ZNF385B: variants seen among roughly 807,000 people sequenced by gnomAD.
ZNF385B encodes the protein zinc finger protein 385B, also known as zinc finger protein 533.
A neutral mutation model predicts 39.2 loss-of-function variants in ZNF385B; 23 were observed. The ratio of observed to expected loss-of-function variants is 0.59; its 90% CI spans 0.42 to 0.83. The LOEUF (loss-of-function observed/expected upper bound fraction) is 0.83. Ranked by LOEUF, ZNF385B falls within the 40% of genes least tolerant of loss-of-function variation. The pLI is 0.00. For missense variants in ZNF385B, 552 were observed against 598.9 expected, an observed-to-expected ratio of 0.92 and a Z score of 0.82; for synonymous variants, 205 against 222.6, an observed-to-expected ratio of 0.92 and a Z score of 0.70.
chr2:179,826,158 G>A (rs938990760), intron 1 of ZNF385B, among the ~76,000 whole-genome samples: 1 of 152,114 alleles, frequency 6.6e-6, no homozygotes, highest in East Asian at 1.9e-4. Context: ...CCACCCTCAC[G>A]TACAACAGAG....
In ZNF385B at chr2:179,453,402, C is replaced by G. The variant is rs144581898; in HGVS notation, c.716-6632G>C. ...TAGAACTGGTCCAGCTGCCAGCACC[C>G]TATCACCCACCTGTCCAGGCCTTAT... On this transcript the variant is annotated intron_variant, in intron 6 of 9. Coordinates refer to ENST00000410066, the MANE Select transcript of ZNF385B (RefSeq NM_152520.6). 1.4e-3 allele frequency among the ~76,000 whole-genome samples: 208 copies of G among 152,242 alleles called. 1 individual carries two copies. Among genetic ancestry groups the G allele is most frequent in the African/African-American group, 4.7e-3 (196 of 41,560 alleles).
chr2:179,492,623 T>C (rs1407628898), intron 5 of ZNF385B, among the ~76,000 whole-genome samples: 3 of 152,120 alleles, frequency 2.0e-5, no homozygotes, highest in East Asian at 3.8e-4. Flanking sequence ...GGTTGACAAA[T>C]AGCATTAGTA....
intron 3 of ZNF385B, among the ~76,000 whole-genome samples, chr2:179,629,920 A>G (rs1191406556): frequency 2.6e-5 from 4 of 152,228 alleles, no homozygotes; most frequent in Non-Finnish European, 5.9e-5. Flanking sequence ...CTGCTAGCAC[A>G]GCAGTCTGAG....
chr2:179,804,819 T>C (rs1706250178), intron 1 of ZNF385B, among the ~76,000 whole-genome samples: 1 of 152,216 alleles, frequency 6.6e-6, no homozygotes, highest in South Asian at 2.1e-4. Context: ...TTATGCTCCT[T>C]TGTGCCTCTG....
chr2:179,711,381 C>T (rs974045102), intron 3 of ZNF385B, among the ~76,000 whole-genome samples: 2 of 152,132 alleles, frequency 1.3e-5, no homozygotes, highest in African/African-American at 4.8e-5. Context: ...CAATGTCTGA[C>T]TGCAATGCTC....
intron 1 of ZNF385B, among the ~76,000 whole-genome samples, chr2:179,778,822 A>C (rs1342560498): frequency 6.6e-6 from 1 of 152,202 alleles, no homozygotes; most frequent in East Asian, 1.9e-4. Flanking sequence ...ATTCCTACCA[A>C]AGTGAACCAC....
At chr2:179,699,048 G>T (rs1166360357) in intron 3 of ZNF385B, among the ~76,000 whole-genome samples, 1 of 151,906 alleles carries the variant, frequency 6.6e-6, no homozygotes, top group Admixed American at 6.6e-5. Context: ...CAAGGAAAAT[G>T]ATATTATCAA....
At chr2:179,723,040 T>A (rs926016885) in intron 3 of ZNF385B, among the ~76,000 whole-genome samples, 9 of 152,138 alleles carry the variant, frequency 5.9e-5, no homozygotes, top group African/African-American at 1.7e-4. Flanking sequence ...TCAACAATTT[T>A]AAAAAGTCAG....
intron 3 of ZNF385B, among the ~76,000 whole-genome samples, chr2:179,751,967 G>C (rs1490947969): frequency 6.6e-6 from 1 of 151,800 alleles, no homozygotes; most frequent in African/African-American, 2.4e-5. Context: ...TTAAGTTCTA[G>C]GGCACATGTG....
At chr2:179,484,714 G>A (rs1049525649) in intron 5 of ZNF385B, among the ~76,000 whole-genome samples, 1 of 152,098 alleles carries the variant, frequency 6.6e-6, no homozygotes, top group African/African-American at 2.4e-5. Context: ...CCATATACAA[G>A]GGTAAGCTAA....
chr2:179,667,207 C>A (rs11897834), intron 3 of ZNF385B, among the ~76,000 whole-genome samples: 18,763 of 152,064 alleles, frequency 0.12, 1,737 homozygotes, highest in African/African-American at 0.26. Flanking sequence ...CCAACTCAAT[C>A]TTAATACCTA....
intron 3 of ZNF385B, among the ~76,000 whole-genome samples, chr2:179,553,037 C>A (rs1229852457): frequency 1.3e-5 from 2 of 149,118 alleles, no homozygotes; most frequent in South Asian, 4.3e-4. Flanking sequence ...GCCAGAATTA[C>A]AACCCAGGCT....
chr2:179,826,512 T>G (rs1707691756), intron 1 of ZNF385B, among the ~76,000 whole-genome samples: 1 of 152,170 alleles, frequency 6.6e-6, no homozygotes, highest in Admixed American at 6.5e-5. Flanking sequence ...AAGAGGGCTA[T>G]TGATAGCCCT....
intron 3 of ZNF385B, among the ~76,000 whole-genome samples, chr2:179,710,734 A>G (rs559477474): frequency 6.6e-6 from 1 of 152,156 alleles, no homozygotes; most frequent in South Asian, 2.1e-4. Flanking sequence ...CCACCCATAG[A>G]CGGTGTGGTG....
intron 6 of ZNF385B, among the ~76,000 whole-genome samples, chr2:179,459,566 C>G (rs1237792118): frequency 4.7e-5 from 7 of 148,396 alleles, no homozygotes; most frequent in African/African-American, 1.8e-4. Flanking sequence ...AATTAATCAT[C>G]TAGTGGGGGA....
chr2:179,698,578 A>G (rs868220052), intron 3 of ZNF385B, among the ~76,000 whole-genome samples: 28 of 152,338 alleles, frequency 1.8e-4, no homozygotes, highest in African/African-American at 6.7e-4. Context: ...ATTACCTAGA[A>G]ATGAATGTTA....
intron 3 of ZNF385B, among the ~76,000 whole-genome samples, chr2:179,647,799 G>A (rs1559028062): frequency 1.3e-5 from 2 of 152,160 alleles, no homozygotes; most frequent in Admixed American, 1.3e-4. Context: ...GGTGGTCTAA[G>A]CCACTTTTTT....
At chr2:179,810,938 C>T (rs1246241047) in intron 1 of ZNF385B, among the ~76,000 whole-genome samples, 1 of 152,084 alleles carries the variant, frequency 6.6e-6, no homozygotes, top group East Asian at 1.9e-4. Context: ...GTTCCCAGAA[C>T]TGATAGATGA....
chr2:179,554,533 G>C (rs554369427), intron 3 of ZNF385B, among the ~76,000 whole-genome samples: 1 of 147,918 alleles, frequency 6.8e-6, no homozygotes, highest in Non-Finnish European at 1.5e-5. Context: ...TAGAAAAACA[G>C]AGTATCTTTG....
Sources: allele counts gnomAD v4.1 joint callset (sites outside exome capture counted in the v4.1 genomes callset), GRCh38; gene constraint gnomAD v4.1.1; transcripts MANE v1.5; gene names NCBI Gene and HGNC (gene_info 2026-07-23, HGNC 2026-07-21).